HDAC9: variants seen among roughly 807,000 people sequenced by gnomAD.
The protein encoded by HDAC9 is histone deacetylase 9, also known as MEF-2 interacting transcription repressor (MITR) protein.
A neutral mutation model predicts 139.4 loss-of-function variants in HDAC9; 41 were observed. The observed-to-expected ratio is 0.29, with a 90% confidence interval of 0.23 to 0.38. The LOEUF is 0.38. Ranked by LOEUF, HDAC9 falls within the 10% of genes least tolerant of loss-of-function variation. The probability of loss-of-function intolerance (pLI) is 1.00; values close to 1 mark genes in which losing one functional copy is unlikely to be tolerated. For missense variants in HDAC9, 1,147 were observed against 1,297.0 expected, an observed-to-expected ratio of 0.88 and a Z score of 1.78; for synonymous variants, 517 against 476.2, an observed-to-expected ratio of 1.09 and a Z score of -1.12.
intron 22 of HDAC9, among the ~76,000 whole-genome samples, chr7:18,876,562 C>G (rs994116613): frequency 6.6e-6 from 1 of 152,084 alleles, no homozygotes; most frequent in Admixed American, 6.5e-5. Flanking sequence ...GATGAGGAAA[C>G]TAATTTATTT....
At chr7:18,773,365 ACAC>A (rs1790481750) in intron 16 of HDAC9, among the ~76,000 whole-genome samples, 2 of 4,422 alleles carry the variant, frequency 4.5e-4, no homozygotes, top group Admixed American at 4.9e-3. Context: ...AAAACTGTAT[ACAC>A]ACACACACAC....
chr7:18,405,723 G>C (rs1787943257), intron 1 of HDAC9, among the ~76,000 whole-genome samples: 1 of 152,158 alleles, frequency 6.6e-6, no homozygotes, highest in African/African-American at 2.4e-5. Context: ...TGTTAGAAAA[G>C]GTACACTTGA....
At chr7:18,701,407 C>CA (rs368269396) in intron 12 of HDAC9, among the ~76,000 whole-genome samples, 25 of 117,708 alleles carry the variant, frequency 2.1e-4, no homozygotes, top group African/African-American at 7.6e-4. Context: ...TAAAAAAAAA[C>CA]AAAACAAACA....
chr7:18,287,584 G>T (rs1479062352), upstream of HDAC9, among the ~76,000 whole-genome samples: 5 of 152,240 alleles, frequency 3.3e-5, no homozygotes, highest in African/African-American at 1.2e-4. Flanking sequence ...TGTGCTGCTG[G>T]GGCTCAGAAT....
intron 24 of HDAC9, among the ~76,000 whole-genome samples, chr7:18,956,047 C>G (rs1047576068): frequency 2.6e-5 from 4 of 151,978 alleles, no homozygotes; most frequent in Admixed American, 2.6e-4. Context: ...TTCAAGTGAC[C>G]TCTACAGTCT....
At chr7:18,705,014 A>G (rs924188253) in intron 12 of HDAC9, among the ~76,000 whole-genome samples, 5 of 152,232 alleles carry the variant, frequency 3.3e-5, no homozygotes, top group African/African-American at 4.8e-5. Flanking sequence ...TAGTCAATTA[A>G]AAATAAAGAG....
At chr7:18,239,154 A>G (rs772533008) in intron 2 of HDAC9, among the ~76,000 whole-genome samples, 13 of 152,142 alleles carry the variant, frequency 8.5e-5, no homozygotes, top group African/African-American at 1.2e-4. Context: ...CTAAAAGACA[A>G]TGTTCAAAAT....
rs1038152362 is a variant in HDAC9 at position 18,874,651 on chromosome 7, G to C, written c.2803+55G>C. The C allele has an allele frequency of 2.9e-6, 3 of 1,029,464 alleles. No homozygotes were observed. In the African/African-American group the frequency reaches 4.8e-5, roughly 16 times the overall value. The allele number at this position is 1,029,464 out of a possible 1,614,324, so 63.8% of individuals were successfully genotyped here. ...GGCTCTGATATCATACCATCTTTTA[G>C]GTCTTTATGATAGACACCACCTTTT... On this transcript the variant is annotated intron_variant, in intron 22 of 25. Transcript: ENST00000686413.
rs184999879 is a variant in HDAC9 at position 18,637,258 on chromosome 7, A to G, written c.912+2516A>G. ...GAAAACATGATTTGATAGTTACTAAAGAAGATACATATATTCCTTCATTGT... is the reference window on the plus strand; with the variant it reads ...GAAAACATGATTTGATAGTTACTAAGGAAGATACATATATTCCTTCATTGT... On this transcript the variant is annotated intron_variant, in intron 8 of 25. Transcript: ENST00000686413. Among the ~76,000 whole-genome samples, 10 of 152,244 alleles carry G rather than the reference A, an allele frequency of 6.6e-5. No individual in the cohort carries two copies. In the East Asian group the frequency reaches 1.9e-3, roughly 30 times the overall value.
chr7:18,541,988 G>T (rs1813125527), intron 2 of HDAC9, among the ~76,000 whole-genome samples: 1 of 152,124 alleles, frequency 6.6e-6, no homozygotes, highest in Admixed American at 6.6e-5. Context: ...GGACTGGCCA[G>T]TTCTTTGTTG....
chr7:18,922,967 A>G (rs1803891982), intron 22 of HDAC9, among the ~76,000 whole-genome samples: 1 of 152,082 alleles, frequency 6.6e-6, no homozygotes, highest in Non-Finnish European at 1.5e-5. Flanking sequence ...TGTCTCTTCA[A>G]TGAATTTGAA....
In HDAC9 at chr7:18,980,956, T is replaced by C. The variant is rs550043458; in HGVS notation, c.3170+5003T>C. 1.1e-4 allele frequency among the ~76,000 whole-genome samples: 16 copies of C among 152,106 alleles called. No homozygotes were observed. The South Asian group carries it at 3.1e-3, about 30-fold the overall frequency. ...CTCTTGCCTCAGCCTCTCGAGTATC[T>C]GGGACTACAGGCACGTGCCACCATG... On this transcript the variant is annotated intron_variant, in intron 25 of 25. Coordinates refer to ENST00000686413, the MANE Select transcript of HDAC9 (RefSeq NM_178425.4).
intron 1 of HDAC9, among the ~76,000 whole-genome samples, chr7:18,333,388 TTAAG>T (rs1279002564): frequency 6.6e-6 from 1 of 151,518 alleles, no homozygotes; most frequent in Non-Finnish European, 1.5e-5. Flanking sequence ...GGGATTTTTG[TTAAG>T]TAGATTTTAG....
chr7:18,191,050 T>C (rs1790320118), intron 2 of HDAC9, among the ~76,000 whole-genome samples: 2 of 152,308 alleles, frequency 1.3e-5, no homozygotes, highest in East Asian at 1.9e-4. Context: ...TTAAGGGTGC[T>C]ATCACCACCC....
At chr7:18,179,928 C>A (rs191120617) in intron 2 of HDAC9, among the ~76,000 whole-genome samples, 16 of 152,240 alleles carry the variant, frequency 1.1e-4, no homozygotes, top group African/African-American at 3.6e-4. Flanking sequence ...TGACCTGTAA[C>A]TATCCTTTTT....
At chr7:18,926,222 G>A (rs1804215452) in intron 22 of HDAC9, among the ~76,000 whole-genome samples, 1 of 152,048 alleles carries the variant, frequency 6.6e-6, no homozygotes, top group Non-Finnish European at 1.5e-5. Flanking sequence ...GTGGTAGTGG[G>A]ATGTAATCCA....
chr7:18,375,013 G>GATAATA (rs140501607), intron 1 of HDAC9, among the ~76,000 whole-genome samples: 9,627 of 152,178 alleles, frequency 0.063, 581 homozygotes, highest in African/African-American at 0.16. Context: ...CATATCACTT[G>GATAATA]ATAATAATTA....
chr7:18,104,241 T>C (rs1783049767), intron 1 of HDAC9, among the ~76,000 whole-genome samples: 1 of 119,308 alleles, frequency 8.4e-6, no homozygotes, highest in African/African-American at 2.5e-5. Context: ...GTTCCCATAA[T>C]TGTATTTTTT....
At chr7:18,431,914 G>A (rs1342311550) in intron 1 of HDAC9, among the ~76,000 whole-genome samples, 2 of 152,146 alleles carry the variant, frequency 1.3e-5, no homozygotes, top group African/African-American at 4.8e-5. Flanking sequence ...TATTTTCATT[G>A]CCTACATGAG....
Sources: gnomAD v4.1 joint callset for allele counts (sites outside exome capture counted in the v4.1 genomes callset) on GRCh38, gnomAD v4.1.1 for gene constraint, MANE v1.5 for transcripts, NCBI Gene and HGNC (gene_info 2026-07-23, HGNC 2026-07-21) for gene names.